Variants in GRIA2 observed in about 807,000 individuals in gnomAD.
The protein encoded by GRIA2 is glutamate ionotropic receptor AMPA type subunit 2, also known as glutamate receptor 2.
Under a neutral mutation model 97.3 loss-of-function variants are expected in GRIA2, and 14 were observed. The ratio of observed to expected loss-of-function variants is 0.14; its 90% CI spans 0.10 to 0.23. The LOEUF (loss-of-function observed/expected upper bound fraction) is 0.23, where lower values mean the gene tolerates loss of function less well. GRIA2 is among the 10% of genes least tolerant of loss of function. The pLI is 1.00. For synonymous variants in GRIA2, 412 were observed against 387.8 expected (o/e 1.06, Z -0.73); for missense variants, 558 against 1,069.8 (o/e 0.52, Z 6.67).
chr4:157,226,076 C>T (rs958398520), intron 2 of GRIA2, among the ~76,000 whole-genome samples: 10 of 151,882 alleles, frequency 6.6e-5, no homozygotes. Flanking sequence ...AGAACCTTCC[C>T]TTTCTATTTC....
intron 2 of GRIA2, among the ~76,000 whole-genome samples, chr4:157,241,935 AT>A (rs1730530269): frequency 6.6e-6 from 1 of 152,094 alleles, no homozygotes; most frequent in Admixed American, 6.6e-5. Context: ...ATAATAAGTC[AT>A]TTGGTTTGTG....
chr4:157,279,391 G>A (rs1732492223), intron 2 of GRIA2, among the ~76,000 whole-genome samples: 1 of 152,136 alleles, frequency 6.6e-6, no homozygotes, highest in African/African-American at 2.4e-5. Context: ...TCTGGAAAAG[G>A]AAAAACTAGG....
intron 2 of GRIA2, among the ~76,000 whole-genome samples, chr4:157,251,010 T>C (rs1730994886): frequency 6.6e-6 from 1 of 152,084 alleles, no homozygotes; most frequent in South Asian, 2.1e-4. Flanking sequence ...GGTTGGGGAA[T>C]GTGAAAGAGC....
chr4:157,231,864 A>G (rs1730034698), intron 2 of GRIA2, among the ~76,000 whole-genome samples: 1 of 152,222 alleles, frequency 6.6e-6, no homozygotes, highest in South Asian at 2.1e-4. Flanking sequence ...TTTTAAAAAT[A>G]AAAACATTTT....
intron 2 of GRIA2, among the ~76,000 whole-genome samples, chr4:157,272,441 C>T (rs1358947140): frequency 6.6e-6 from 1 of 151,972 alleles, no homozygotes; most frequent in Non-Finnish European, 1.5e-5. Context: ...AAGGAGAAAC[C>T]TCCACAGGAA....
At chr4:157,332,451 T>C (rs1232820189) in intron 6 of GRIA2, among the ~76,000 whole-genome samples, 1 of 151,598 alleles carries the variant, frequency 6.6e-6, no homozygotes, top group East Asian at 1.9e-4. Flanking sequence ...TGTAAAGAAA[T>C]ATTAATTGTT....
chr4:157,336,568 T>C lies in GRIA2; in HGVS notation c.1665T>C (p.Ile555=), dbSNP rs140398850. The C allele has an allele frequency of 5.6e-6, 9 of 1,613,290 alleles. No individual in the cohort carries two copies. Among genetic ancestry groups the C allele is most frequent in the African/African-American group, 1.3e-5 (1 of 74,858 alleles). ...EIWMCIVFAY[I]GVSVVLFLVS... is the part of the protein sequence containing the mutation. ...GGATGTGCATTGTTTTTGCCTACAT[T>C]GGGGTCAGTGTAGTTTTATTCCTGG... Residue 555 remains isoleucine, a synonymous_variant, in exon 11 of 16, where the codon ATT becomes ATC. Transcript: ENST00000264426.
chr4:157,257,681 G>A (rs548265189), intron 2 of GRIA2, among the ~76,000 whole-genome samples: 1 of 151,922 alleles, frequency 6.6e-6, no homozygotes, highest in African/African-American at 2.4e-5. Flanking sequence ...AATTTTTATG[G>A]CAACCAACTA....
At chr4:157,302,626 C>T (rs1426138432) in intron 2 of GRIA2, among the ~76,000 whole-genome samples, 1 of 152,032 alleles carries the variant, frequency 6.6e-6, no homozygotes, top group Non-Finnish European at 1.5e-5. Context: ...AATTAATGTA[C>T]CCTAGAACAT....
intron 2 of GRIA2, among the ~76,000 whole-genome samples, chr4:157,256,723 T>C (rs1358911794): frequency 1.3e-5 from 2 of 151,952 alleles, no homozygotes; most frequent in African/African-American, 4.8e-5. Flanking sequence ...AATTAATCTG[T>C]AACTGAAACT....
chr4:157,360,783 A>G (rs1736599187), intron 13 of GRIA2: 4 of 591,254 alleles, frequency 6.8e-6, no homozygotes, highest in Non-Finnish European at 1.3e-5. Flanking sequence ...AGAACTCCCC[A>G]TATTAGCACT....
At chr4:157,288,685 A>G (rs1732957172) in intron 2 of GRIA2, among the ~76,000 whole-genome samples, 1 of 151,808 alleles carries the variant, frequency 6.6e-6, no homozygotes. Flanking sequence ...AGATTTAGCC[A>G]TTAGAAACAG....
intron 3 of GRIA2, among the ~76,000 whole-genome samples, chr4:157,304,035 C>T (rs1264164031): frequency 6.6e-6 from 1 of 152,136 alleles, no homozygotes; most frequent in Non-Finnish European, 1.5e-5. Flanking sequence ...ACCCAATGAC[C>T]AAATATTCAG....
At chr4:157,262,964 T>C (rs186435815) in intron 2 of GRIA2, among the ~76,000 whole-genome samples, 2 of 152,208 alleles carry the variant, frequency 1.3e-5, no homozygotes, top group African/African-American at 4.8e-5. Flanking sequence ...AGTTATACTT[T>C]TATAAAAAGA....
chr4:157,277,191 A>C (rs969162726), intron 2 of GRIA2, among the ~76,000 whole-genome samples: 4 of 151,930 alleles, frequency 2.6e-5, no homozygotes, highest in Non-Finnish European at 4.4e-5. Context: ...ATTACACACC[A>C]CAGCTGTGAG....
In GRIA2 at chr4:157,361,626, T is replaced by A; in HGVS notation, c.2406+502T>A. 1 of 1,612,334 alleles carries A rather than the reference T, an allele frequency of 6.2e-7. No homozygotes were observed. Among genetic ancestry groups the A allele is most frequent in the East Asian group, 2.2e-5 (1 of 44,834 alleles). On this transcript the variant is annotated intron_variant, in intron 14 of 15. Transcript: ENST00000264426. The surrounding 1 kb of genome is among the most constrained non-coding windows in gnomAD (Gnocchi z 5.2). ...CAAATGGTGGTACGATAAAGGTGAATGTGGAGCCAAGGACTCTGGAAGTAA... is the reference window on the plus strand; with the variant it reads ...CAAATGGTGGTACGATAAAGGTGAAAGTGGAGCCAAGGACTCTGGAAGTAA...
At chr4:157,307,219 T>C (rs1733883838) in intron 3 of GRIA2, among the ~76,000 whole-genome samples, 1 of 152,234 alleles carries the variant, frequency 6.6e-6, no homozygotes, top group African/African-American at 2.4e-5. Flanking sequence ...TTGAAATTGT[T>C]ATATGCTGCT....
chr4:157,347,706 TA>T (rs1735821600), intron 12 of GRIA2, among the ~76,000 whole-genome samples: 1 of 152,202 alleles, frequency 6.6e-6, no homozygotes, highest in South Asian at 2.1e-4. Context: ...GCCATGGTAA[TA>T]AACATGGTCC....
intron 11 of GRIA2, among the ~76,000 whole-genome samples, chr4:157,338,179 C>A (rs1203749155): frequency 6.6e-6 from 1 of 150,998 alleles, no homozygotes; most frequent in Non-Finnish European, 1.5e-5. Flanking sequence ...CAAATACTAA[C>A]CAAATTGGGG....
Sources: gnomAD v4.1 joint callset for allele counts (sites outside exome capture counted in the v4.1 genomes callset) on GRCh38, gnomAD v4.1.1 for gene constraint, Gnocchi (gnomAD v3.1) non-coding constraint, MANE v1.5 for transcripts, NCBI Gene and HGNC (gene_info 2026-07-23, HGNC 2026-07-21) for gene names.